ZCCHC17: variants seen among roughly 807,000 people sequenced by gnomAD.
ZCCHC17 encodes the protein zinc finger CCHC domain-containing protein 17.
ZCCHC17 carries 18 observed loss-of-function variants against 30.6 expected under a neutral mutation model. That is an observed-to-expected ratio of 0.59 (90% CI 0.41 to 0.87). The LOEUF (loss-of-function observed/expected upper bound fraction) is 0.87. Ranked by LOEUF, ZCCHC17 falls within the 40% of genes least tolerant of loss-of-function variation. The pLI is 0.00. For synonymous variants in ZCCHC17, 88 were observed against 92.4 expected (o/e 0.95, Z 0.27); for missense variants, 263 against 284.2 (o/e 0.93, Z 0.54).
At chr1:31,362,544 A>G (rs548246544) in intron 7 of ZCCHC17, among the ~76,000 whole-genome samples, 23 of 151,244 alleles carry the variant, frequency 1.5e-4, no homozygotes, top group African/African-American at 5.3e-4. Flanking sequence ...TGTGGTGGGT[A>G]TAGTTTTGGG....
chr1:31,354,492 G>A (rs750030545), intron 7 of ZCCHC17, among the ~76,000 whole-genome samples: 3 of 151,874 alleles, frequency 2.0e-5, no homozygotes, highest in Admixed American at 6.6e-5. Flanking sequence ...CTGCCTTGAC[G>A]TCCTGGGCTC....
intron 1 of ZCCHC17, among the ~76,000 whole-genome samples, chr1:31,305,440 G>A (rs568576009): frequency 6.6e-6 from 1 of 151,924 alleles, no homozygotes; most frequent in South Asian, 2.1e-4. Flanking sequence ...CCACTATGCC[G>A]AGCTAATTTA....
intron 5 of ZCCHC17, among the ~76,000 whole-genome samples, chr1:31,343,458 A>G (rs1639121393): frequency 6.6e-6 from 1 of 152,112 alleles, no homozygotes; most frequent in Non-Finnish European, 1.5e-5. Context: ...TATGCTCAGT[A>G]TTCTCATCCT....
chr1:31,329,051 C>T (rs1160803755), intron 3 of ZCCHC17, among the ~76,000 whole-genome samples: 1 of 152,124 alleles, frequency 6.6e-6, no homozygotes, highest in Non-Finnish European at 1.5e-5. Context: ...TTTCTGGTGA[C>T]TAGTCCATCC....
chr1:31,307,705 G>T (rs1646499226), intron 1 of ZCCHC17, among the ~76,000 whole-genome samples: 1 of 152,008 alleles, frequency 6.6e-6, no homozygotes, highest in African/African-American at 2.4e-5. Flanking sequence ...CTCCCAAGTA[G>T]TTGGGACCAC....
In ZCCHC17 at chr1:31,349,015, A is replaced by G. The variant is rs371012395; in HGVS notation, c.564+41A>G. 2.3e-5 allele frequency: 35 copies of G among 1,531,726 alleles called. No individual in the cohort carries two copies. The African/African-American group carries it at 2.9e-4, about 13-fold the overall frequency. The allele number at this position is 1,531,726 out of a possible 1,614,324, so 94.9% of individuals were successfully genotyped here. ...CTTTTATTTTATCATGTCTTTTTCA[A>G]GTTTTAAGATGAAAATCTGAAAAGC... On this transcript the variant is annotated intron_variant, in intron 7 of 7. Transcript: ENST00000344147.
chr1:31,300,508 G>A (rs545764179), intron 1 of ZCCHC17, among the ~76,000 whole-genome samples: 6 of 152,184 alleles, frequency 3.9e-5, no homozygotes, highest in Non-Finnish European at 7.4e-5. Flanking sequence ...CAACTGTCCC[G>A]GGCTAGGTTA....
intron 7 of ZCCHC17, among the ~76,000 whole-genome samples, chr1:31,356,162 A>G (rs1569928253): frequency 6.6e-6 from 1 of 152,246 alleles, no homozygotes; most frequent in Non-Finnish European, 1.5e-5. Context: ...ATCATATGGT[A>G]CCTACACTCA....
chr1:31,319,094 C>A lies in ZCCHC17; in HGVS notation c.67-15C>A. 1 of 1,599,300 alleles carries A rather than the reference C, an allele frequency of 6.3e-7. No individual in the cohort carries two copies. Among genetic ancestry groups the A allele is most frequent in the Non-Finnish European group, 8.5e-7 (1 of 1,170,976 alleles). ...TCATGTATGTGACATTGATTTTTTT[C>A]CCCCATCTTTATAGGTTGCTATGGT... On this transcript the variant is annotated splice_polypyrimidine_tract_variant and intron_variant, in intron 2 of 7. Coordinates refer to ENST00000344147, the MANE Select transcript of ZCCHC17 (RefSeq NM_016505.4).
intron 7 of ZCCHC17, among the ~76,000 whole-genome samples, chr1:31,349,436 T>G (rs1200665459): frequency 6.6e-6 from 1 of 152,172 alleles, no homozygotes; most frequent in Non-Finnish European, 1.5e-5. Context: ...GTTCAAGCGA[T>G]TCTCATGCCT....
chr1:31,312,754 G>T (rs980095914), intron 2 of ZCCHC17, among the ~76,000 whole-genome samples: 18 of 152,202 alleles, frequency 1.2e-4, no homozygotes, highest in African/African-American at 3.6e-4. Context: ...ACAAGAGCAT[G>T]TAGTTTGCTT....
chr1:31,320,057 AAAC>A (rs1557434105), intron 3 of ZCCHC17, among the ~76,000 whole-genome samples: 1 of 152,186 alleles, frequency 6.6e-6, no homozygotes, highest in African/African-American at 2.4e-5. Flanking sequence ...AGGATATGAA[AAAC>A]AACTCACAGG....
chr1:31,338,891 A>T, intron 4 of ZCCHC17, 66 bp from the exon 5 acceptor site: 1 of 1,071,992 alleles, frequency 9.3e-7, no homozygotes, highest in Non-Finnish European at 1.4e-6. Context: ...GTTGACTCTT[A>T]ATTTTAGACT....
At chr1:31,298,697 TATTG>T (rs948878360) in intron 1 of ZCCHC17, among the ~76,000 whole-genome samples, 4 of 152,196 alleles carry the variant, frequency 2.6e-5, no homozygotes, top group Admixed American at 6.5e-5. Context: ...GATCAGTTTT[TATTG>T]ATTGATTGAT....
intron 5 of ZCCHC17, among the ~76,000 whole-genome samples, chr1:31,341,346 A>G (rs1639040386): frequency 1.3e-5 from 2 of 152,220 alleles, no homozygotes. Context: ...TGATGATTGC[A>G]TTGTAATAAA....
intron 1 of ZCCHC17, chr1:31,297,296 C>G: frequency 2.5e-6 from 1 of 397,384 alleles, no homozygotes; most frequent in Non-Finnish European, 4.4e-6. Context: ...CTGCGGCTCC[C>G]TTCTTCAAGA....
intron 1 of ZCCHC17, among the ~76,000 whole-genome samples, chr1:31,304,272 C>CTTTTTT (rs5773350): frequency 2.0e-5 from 3 of 146,646 alleles, no homozygotes; most frequent in African/African-American, 5.0e-5. Context: ...GTTATATACT[C>CTTTTTT]TTTTTTTTTT....
At chr1:31,307,614 C>T (rs1646496359) in intron 1 of ZCCHC17, among the ~76,000 whole-genome samples, 1 of 149,480 alleles carries the variant, frequency 6.7e-6, no homozygotes, top group African/African-American at 2.5e-5. Context: ...CTCACTGTGT[C>T]ATCAGGCTGG....
chr1:31,342,949 A>G (rs934743467), intron 5 of ZCCHC17, among the ~76,000 whole-genome samples: 7 of 152,230 alleles, frequency 4.6e-5, no homozygotes, highest in African/African-American at 1.7e-4. Context: ...AGAAAAGCAC[A>G]TAGTACATTT....
Sources: allele counts gnomAD v4.1 joint callset (sites outside exome capture counted in the v4.1 genomes callset), GRCh38; gene constraint gnomAD v4.1.1; transcripts MANE v1.5; gene names NCBI Gene and HGNC (gene_info 2026-07-23, HGNC 2026-07-21).